IFT81: variants seen among roughly 807,000 people sequenced by gnomAD.
IFT81 encodes intraflagellar transport 81.
Under a neutral mutation model 102.6 loss-of-function variants are expected in IFT81, and 72 were observed. The observed-to-expected ratio is 0.70, with a 90% CI of 0.58 to 0.85. The LOEUF (loss-of-function observed/expected upper bound fraction) is 0.85, where lower values mean the gene tolerates loss of function less well. Ranked by LOEUF, IFT81 falls within the 40% of genes least tolerant of loss-of-function variation. The pLI is 0.00. For synonymous variants in IFT81, 237 were observed against 242.7 expected, an observed-to-expected ratio of 0.98 and a Z score of 0.22; for missense variants, 723 against 787.3, an observed-to-expected ratio of 0.92 and a Z score of 0.98.
chr12:110,200,592 C>T (rs117497233), intron 14 of IFT81, among the ~76,000 whole-genome samples: 159 of 152,218 alleles, frequency 1.0e-3, no homozygotes, highest in Admixed American at 1.7e-3. Context: ...AAACAGTGTA[C>T]ACTTAGGCTA....
intron 4 of IFT81, among the ~76,000 whole-genome samples, chr12:110,132,333 G>T (rs868766276): frequency 6.6e-6 from 1 of 151,858 alleles, no homozygotes; most frequent in Non-Finnish European, 1.5e-5. Flanking sequence ...GGTGGCGCGC[G>T]CATGTAATCC....
chr12:110,136,711 CT>C, intron 7 of IFT81, 64 bp from the exon 8 acceptor site: 1 of 839,310 alleles, frequency 1.2e-6, no homozygotes, highest in Middle Eastern at 2.5e-4. Context: ...TTTTTCATTG[CT>C]TGCCTAAGTG....
At chr12:110,188,218 G>A (rs1019358885) in intron 12 of IFT81, among the ~76,000 whole-genome samples, 1 of 151,796 alleles carries the variant, frequency 6.6e-6, no homozygotes, top group Admixed American at 6.6e-5. Context: ...GGGAATCCCA[G>A]CTGCTCGGGA....
intron 10 of IFT81, among the ~76,000 whole-genome samples, chr12:110,149,704 C>A (rs1047937184): frequency 9.9e-5 from 15 of 152,174 alleles, no homozygotes; most frequent in African/African-American, 3.4e-4. Flanking sequence ...TCTCCCACTG[C>A]CCCATCCTAA....
At chr12:110,197,071 C>T (rs1270623096) in intron 14 of IFT81, among the ~76,000 whole-genome samples, 2 of 151,990 alleles carry the variant, frequency 1.3e-5, no homozygotes, top group Non-Finnish European at 2.9e-5. Flanking sequence ...TGGGAGCACA[C>T]ATCTATAGTC....
At chr12:110,153,881 T>C (rs1593307001) in intron 10 of IFT81, among the ~76,000 whole-genome samples, 1 of 150,842 alleles carries the variant, frequency 6.6e-6, no homozygotes, top group Admixed American at 6.6e-5. Flanking sequence ...GCTGCCAAAG[T>C]GCTGGGATTA....
chr12:110,173,568 TC>T (rs1378012420), intron 11 of IFT81, among the ~76,000 whole-genome samples: 1 of 152,202 alleles, frequency 6.6e-6, no homozygotes, highest in East Asian at 1.9e-4. Context: ...GGTTGCCGTG[TC>T]TGTGTGGAAA....
At chr12:110,207,866 C>T (rs914642228) in intron 17 of IFT81, among the ~76,000 whole-genome samples, 1 of 152,076 alleles carries the variant, frequency 6.6e-6, no homozygotes, top group Admixed American at 6.6e-5. Flanking sequence ...TTAAATCTCA[C>T]ATTTTGTCTT....
rs530266073 is a variant in IFT81, at chr12:110,207,811, G to A, written c.1803-1360G>A. 1.8e-4 allele frequency among the ~76,000 whole-genome samples: 27 copies of A among 151,956 alleles called. 1 individual carries two copies. The highest frequency in any genetic ancestry group is 6.0e-4 in the African/African-American group (25 of 41,460). ...ATCTCCTGACCTCGTGAGCCACCGC[G>A]CCCAGCCCCAGCCTTCAGTCTTTAT... On this transcript the variant is annotated intron_variant, in intron 17 of 18. Coordinates refer to ENST00000242591, the MANE Select transcript of IFT81 (RefSeq NM_014055.4).
chr12:110,161,620 A>C (rs1224049076), intron 10 of IFT81, among the ~76,000 whole-genome samples: 4 of 147,954 alleles, frequency 2.7e-5, no homozygotes, highest in Admixed American at 1.3e-4. Flanking sequence ...TTTTTTTTTT[A>C]TTATTTATTT....
chr12:110,169,015 T>TCCTC (rs1566138503), intron 11 of IFT81: 1 of 141,664 alleles, frequency 7.1e-6, no homozygotes, highest in African/African-American at 2.6e-5. Context: ...TTCTTTCTTT[T>TCCTC]CCTTCCTCCC....
chr12:110,204,011 T>A (rs1898441616), intron 15 of IFT81, 61 bp downstream of exon 15: 1 of 1,023,692 alleles, frequency 9.8e-7, no homozygotes, highest in South Asian at 1.4e-5. Flanking sequence ...ACACCTGTAG[T>A]CCCAGCTACT....
chr12:110,144,006 C>CTTT (rs1566114286), intron 9 of IFT81, among the ~76,000 whole-genome samples: 1 of 136,992 alleles, frequency 7.3e-6, no homozygotes, highest in African/African-American at 2.9e-5. Context: ...TCAGGTTATA[C>CTTT]CTTTTTTTTT....
chr12:110,142,357 A>G (rs1426492337), intron 8 of IFT81, among the ~76,000 whole-genome samples: 3 of 151,948 alleles, frequency 2.0e-5, no homozygotes, highest in African/African-American at 7.3e-5. Context: ...TAGTAGAGAC[A>G]GGGTTTTGCC....
chr12:110,128,812 A>ATT, intron 3 of IFT81, 138 bp from the exon 4 acceptor site: 7 of 462,506 alleles, frequency 1.5e-5, no homozygotes, highest in Non-Finnish European at 1.9e-5. Flanking sequence ...AAAAAAAAAG[A>ATT]TTCCTTGGGT....
intron 12 of IFT81, among the ~76,000 whole-genome samples, chr12:110,184,117 G>A (rs748732704): frequency 6.6e-6 from 1 of 152,140 alleles, no homozygotes; most frequent in South Asian, 2.1e-4. Context: ...TTGGGAGGCC[G>A]AGGCGGGTGG....
At chr12:110,185,393 T>C (rs1377625374) in intron 12 of IFT81, among the ~76,000 whole-genome samples, 5 of 151,960 alleles carry the variant, frequency 3.3e-5, no homozygotes, top group Non-Finnish European at 5.9e-5. Context: ...GGTTTCACCA[T>C]GTTAGCCAGG....
intron 12 of IFT81, among the ~76,000 whole-genome samples, chr12:110,183,325 G>A (rs925258803): frequency 2.0e-5 from 3 of 152,122 alleles, no homozygotes; most frequent in South Asian, 2.1e-4. Flanking sequence ...GAAAGGGTCC[G>A]ATGTTATTAA....
chr12:110,182,952 G>A (rs570982187), intron 12 of IFT81, among the ~76,000 whole-genome samples: 2 of 152,218 alleles, frequency 1.3e-5, no homozygotes, highest in South Asian at 2.1e-4. Flanking sequence ...CATGGGCATC[G>A]GTTTAAGGTG....
Sources: gnomAD v4.1 joint callset for allele counts (sites outside exome capture counted in the v4.1 genomes callset) on GRCh38, gnomAD v4.1.1 for gene constraint, MANE v1.5 for transcripts, NCBI Gene and HGNC (gene_info 2026-07-23, HGNC 2026-07-21) for gene names.